VIPR2: variants seen among roughly 807,000 people sequenced by gnomAD.
The protein encoded by VIPR2 is vasoactive intestinal peptide receptor 2.
In VIPR2, 48 loss-of-function variants were observed where a neutral mutation model predicts 58.0. The ratio of observed to expected loss-of-function variants is 0.83; its 90% CI spans 0.66 to 1.05. The LOEUF is 1.05. Among genes scored for constraint, VIPR2 ranks in the 50% least tolerant of loss-of-function variants. VIPR2 has a pLI of 0.00. For missense variants in VIPR2, 534 were observed against 558.0 expected (o/e 0.96, Z 0.43); for synonymous variants, 243 against 235.2 (o/e 1.03, Z -0.30).
chr7:159,029,986 C>T lies in VIPR2; in HGVS notation c.*630G>A, dbSNP rs543642147. 3.9e-5 allele frequency: 6 copies of T among 152,368 alleles called. No homozygotes were observed. The South Asian group carries it at 6.2e-4, about 16-fold the overall frequency. The allele number at this position is 152,368 out of a possible 1,614,324, so 9.4% of individuals were successfully genotyped here. On this transcript the variant is annotated 3_prime_UTR_variant, in exon 13 of 13. Transcript: ENST00000262178. ...GGCCGCCCTGATGTGGGACGGATGT[C>T]ACCCGGTGGTCGCCCAGGCTCGTGC... is the stretch of plus-strand genomic sequence containing the variant.
chr7:159,123,642 A>T (rs1425116971), intron 2 of VIPR2, among the ~76,000 whole-genome samples: 1 of 152,220 alleles, frequency 6.6e-6, no homozygotes, highest in African/African-American at 2.4e-5. Context: ...TTATGGTAGA[A>T]TGATTTATAT....
At chr7:159,050,609 T>C (rs1854943530) in intron 5 of VIPR2, among the ~76,000 whole-genome samples, 1 of 152,034 alleles carries the variant, frequency 6.6e-6, no homozygotes, top group South Asian at 2.1e-4. Context: ...ATCAGTAGTA[T>C]GTCTAGATTA....
In VIPR2 at chr7:159,119,097, C is replaced by T. The variant is rs549249078; in HGVS notation, c.152-9178G>A. ...AGGGCTGAGGCCCAGCCTTGGAATGCAGAGGCTGGAATGGGGTCACCATGT... is the reference window on the plus strand; with the variant it reads ...AGGGCTGAGGCCCAGCCTTGGAATGTAGAGGCTGGAATGGGGTCACCATGT... On this transcript the variant is annotated intron_variant, in intron 2 of 12. Coordinates refer to ENST00000262178, the MANE Select transcript of VIPR2 (RefSeq NM_003382.5). 1.8e-4 allele frequency among the ~76,000 whole-genome samples: 28 copies of T among 152,286 alleles called. No homozygotes were observed. In the South Asian group the frequency reaches 3.5e-3, roughly 19 times the overall value.
Position 159,061,870 on chromosome 7 carries a change from G to A in VIPR2, c.358-3292C>T, listed in dbSNP as rs368044696. Reference sequence around the variant, plus strand: ...GGTGCGCGGCTGTGCGGGGAAGCCAGGCCGGCTCGGACGCACTGCTAGCGG... The same window carrying A: ...GGTGCGCGGCTGTGCGGGGAAGCCAAGCCGGCTCGGACGCACTGCTAGCGG... On this transcript the variant is annotated intron_variant, in intron 4 of 12. Transcript: ENST00000262178. 4.6e-5 allele frequency among the ~76,000 whole-genome samples: 7 copies of A among 152,252 alleles called. No individual in the cohort carries two copies. The East Asian group carries it at 1.4e-3, about 30-fold the overall frequency.
At chr7:159,072,679 A>G (rs1348481965) in intron 4 of VIPR2, among the ~76,000 whole-genome samples, 1 of 152,226 alleles carries the variant, frequency 6.6e-6, no homozygotes, top group Admixed American at 6.5e-5. Flanking sequence ...AATGCCCAGA[A>G]CAGTGGTTGG....
rs1796713600 is a variant in VIPR2 at position 159,127,908 on chromosome 7, A to G, written c.151+14538T>C. ...GGAGAGGGTGAACATTCAAGGCCTC[A>G]AGGCACGGGGAGTCCTGCCGTGCTA... On this transcript the variant is annotated intron_variant, in intron 2 of 12. Coordinates refer to ENST00000262178, the MANE Select transcript of VIPR2 (RefSeq NM_003382.5). The surrounding 1 kb of genome is among the most constrained non-coding windows in gnomAD (Gnocchi z 4.6). Among the ~76,000 whole-genome samples the G allele has an allele frequency of 6.6e-6, 1 of 152,148 alleles. No homozygotes were observed. The highest frequency in any genetic ancestry group is 2.4e-5 in the African/African-American group (1 of 41,434).
chr7:159,082,114 G>A (rs1156819829), intron 4 of VIPR2, among the ~76,000 whole-genome samples: 1 of 152,120 alleles, frequency 6.6e-6, no homozygotes, highest in Non-Finnish European at 1.5e-5. Flanking sequence ...CCCATTACTG[G>A]GTATATACCC....
At chr7:159,065,142 G>C (rs1378023767) in intron 4 of VIPR2, among the ~76,000 whole-genome samples, 2 of 152,230 alleles carry the variant, frequency 1.3e-5, no homozygotes, top group African/African-American at 2.4e-5. Flanking sequence ...TTGATCCCTG[G>C]GGAGTGGAAG....
chr7:159,113,680 G>A (rs911057748), intron 2 of VIPR2, among the ~76,000 whole-genome samples: 2 of 152,182 alleles, frequency 1.3e-5, no homozygotes, highest in Admixed American at 1.3e-4. Context: ...ATGAAGAAAG[G>A]AAATGCTGGA....
intron 5 of VIPR2, 38 bp from the exon 6 acceptor site, chr7:159,043,214 G>A: frequency 1.3e-6 from 2 of 1,539,916 alleles, no homozygotes; most frequent in East Asian, 2.3e-5. Flanking sequence ...AATTGGAGGG[G>A]GAAGGGGAGG....
At chr7:159,066,853 A>G (rs1349204684) in intron 4 of VIPR2, among the ~76,000 whole-genome samples, 1 of 152,242 alleles carries the variant, frequency 6.6e-6, no homozygotes, top group Non-Finnish European at 1.5e-5. Context: ...ATCAAGGTTG[A>G]CATCAATTTT....
chr7:159,090,314 A>G (rs1207172639), intron 4 of VIPR2, among the ~76,000 whole-genome samples: 1 of 76,690 alleles, frequency 1.3e-5, no homozygotes, highest in Non-Finnish European at 2.4e-5. Flanking sequence ...GACCACTGCA[A>G]TCCCCAGTGA....
intron 2 of VIPR2, among the ~76,000 whole-genome samples, chr7:159,112,820 G>T (rs1796086336): frequency 6.6e-6 from 1 of 151,690 alleles, no homozygotes; most frequent in Non-Finnish European, 1.5e-5. Flanking sequence ...CTGTGAAGAG[G>T]AGGCTCACGG....
intron 2 of VIPR2, among the ~76,000 whole-genome samples, chr7:159,131,564 C>T (rs1192826516): frequency 6.6e-6 from 1 of 152,240 alleles, no homozygotes; most frequent in African/African-American, 2.4e-5. Flanking sequence ...CCTCTCCCCA[C>T]AGGACTTTGC....
At chr7:159,083,856 C>T (rs1314909408) in intron 4 of VIPR2, among the ~76,000 whole-genome samples, 2 of 152,242 alleles carry the variant, frequency 1.3e-5, no homozygotes, top group Non-Finnish European at 2.9e-5. Context: ...AAGCTTTGGG[C>T]TAGGCCAGGG....
In VIPR2 at chr7:159,098,058, C is replaced by G. The variant is rs1041904496; in HGVS notation, c.357+5699G>C. 6.6e-6 allele frequency among the ~76,000 whole-genome samples: 1 copy of G among 152,214 alleles called. No individual in the cohort carries two copies. Among genetic ancestry groups the G allele is most frequent in the African/African-American group, 2.4e-5 (1 of 41,452 alleles). On this transcript the variant is annotated intron_variant, in intron 4 of 12. Transcript: ENST00000262178. This position sits in a 1 kb window ranked among gnomAD's most constrained non-coding sequence, Gnocchi z 5.2. ...GGCCTCTTGGAAGCCTGAGCCCTGC[C>G]GGGGCAAGCGGAATCCCCAGCCTCA...
At chr7:159,120,044 C>T (rs1254781275) in intron 2 of VIPR2, among the ~76,000 whole-genome samples, 3 of 152,178 alleles carry the variant, frequency 2.0e-5, no homozygotes, top group Non-Finnish European at 4.4e-5. Flanking sequence ...CAGCTCTGAG[C>T]TTGTCCCTGG....
At chr7:159,144,356 C>A (rs1416400579) in intron 1 of VIPR2, 2 of 1,539,920 alleles carry the variant, frequency 1.3e-6, no homozygotes, top group Middle Eastern at 1.7e-4. Flanking sequence ...CCGATCTCCC[C>A]GTGAAACGCG....
In VIPR2 at chr7:159,031,307, A is replaced by AC. The variant is rs1853563350; in HGVS notation, c.1144-519dup. On this transcript the variant is annotated intron_variant, in intron 12 of 12. Transcript: ENST00000262178. The surrounding 1 kb of genome is among the most constrained non-coding windows in gnomAD (Gnocchi z 4.0). ...ATGTCAAGCAAAGAAAGCGCCAGCA[A>AC]CCGCAGCGTGGGGCGGGAGGGTCAG... Among the ~76,000 whole-genome samples, 1 of 143,964 alleles carries AC rather than the reference A, an allele frequency of 6.9e-6. No individual in the cohort carries two copies. The highest frequency in any genetic ancestry group is 1.5e-5 in the Non-Finnish European group (1 of 65,640). 94.4% of individuals were successfully genotyped at this position (143,964 alleles called of 152,430 possible). A position where few individuals can be genotyped will look rare whatever the true frequency, so the allele number is the denominator to read the frequency against.
Sources: allele counts gnomAD v4.1 joint callset (sites outside exome capture counted in the v4.1 genomes callset), GRCh38; gene constraint gnomAD v4.1.1; non-coding constraint Gnocchi (gnomAD v3.1); transcripts MANE v1.5; gene names NCBI Gene and HGNC (gene_info 2026-07-23, HGNC 2026-07-21).